Variants in KCNQ4 observed in about 807,000 individuals in gnomAD.
KCNQ4 encodes the protein potassium voltage-gated channel subfamily KQT member 4.
Under a neutral mutation model 72.6 loss-of-function variants are expected in KCNQ4, and 31 were observed. That is an observed-to-expected ratio of 0.43 (90% CI 0.32 to 0.58). KCNQ4 has a LOEUF of 0.58. Ranked by LOEUF, KCNQ4 falls within the 20% of genes least tolerant of loss-of-function variation. KCNQ4 has a pLI of 0.08. For missense variants in KCNQ4, 869 were observed against 962.6 expected, an observed-to-expected ratio of 0.90 and a Z score of 1.29; for synonymous variants, 405 against 403.7, an observed-to-expected ratio of 1.00 and a Z score of -0.04.
intron 12 of KCNQ4, 152 bp downstream of exon 12, chr1:40,835,250 C>T: frequency 4.0e-6 from 4 of 1,004,196 alleles, no homozygotes; most frequent in Non-Finnish European, 5.8e-6. Flanking sequence ...CAGTGCCAGC[C>T]TGAGGCCAGA....
At chr1:40,830,915 G>A (rs772369802) in intron 9 of KCNQ4, among the ~76,000 whole-genome samples, 169 bp from the exon 10 acceptor site, 8 of 152,238 alleles carry the variant, frequency 5.3e-5, no homozygotes, top group Non-Finnish European at 1.0e-4. Flanking sequence ...CCTCTTGTAG[G>A]AGTGAGGGCC....
chr1:40,829,196 C>T (rs1241620909), intron 9 of KCNQ4, among the ~76,000 whole-genome samples: 1 of 152,232 alleles, frequency 6.6e-6, no homozygotes. Flanking sequence ...CTCTTCCTCT[C>T]CCTCTTGGAG....
chr1:40,801,148 T>C (rs1435926641), intron 1 of KCNQ4, among the ~76,000 whole-genome samples: 1 of 149,040 alleles, frequency 6.7e-6, no homozygotes, highest in Non-Finnish European at 1.5e-5. Flanking sequence ...GGGGCTGGAA[T>C]TGTGGTGGTC....
chr1:40,800,997 T>C (rs1173648912), intron 1 of KCNQ4, among the ~76,000 whole-genome samples: 2 of 152,068 alleles, frequency 1.3e-5, no homozygotes, highest in Non-Finnish European at 2.9e-5. Flanking sequence ...GCTTAGGATG[T>C]GTGTACAGCC....
intron 1 of KCNQ4, among the ~76,000 whole-genome samples, chr1:40,797,087 G>T (rs1647436657): frequency 6.6e-6 from 1 of 152,252 alleles, no homozygotes; most frequent in Admixed American, 6.5e-5. Context: ...GCCAGGCCCT[G>T]TGCCAGACTC....
chr1:40,793,929 C>G (rs1647339241), intron 1 of KCNQ4, among the ~76,000 whole-genome samples: 1 of 152,106 alleles, frequency 6.6e-6, no homozygotes, highest in Admixed American at 6.5e-5. Flanking sequence ...GCGTTTTTTG[C>G]TTTTCTGCAT....
intron 1 of KCNQ4, among the ~76,000 whole-genome samples, chr1:40,803,940 G>A (rs1350860246): frequency 3.3e-5 from 5 of 152,212 alleles, no homozygotes; most frequent in Non-Finnish European, 5.9e-5. Flanking sequence ...GCTCCCCAGG[G>A]AACTCTGCCC....
At position 40,834,984 on chromosome 1, in the gene KCNQ4, T is replaced by C; in HGVS notation, c.1631T>C (p.Val544Ala). The change falls in exon 12 of 14, where the codon GTG becomes GCG. Residue 544 changes from valine to alanine, a missense_variant. Val to Ala is a moderately conservative substitution (Grantham distance 64). Coordinates refer to ENST00000347132, the MANE Select transcript of KCNQ4 (RefSeq NM_004700.4). The part of the protein sequence containing the change: ...IRSIRILKFL[V>A]AKRKFKETLR... Reference sequence around the variant, plus strand: ...CCCAACAGGATTCTCAAGTTCCTGGTGGCCAAAAGGAAATTCAAGGAGACA... The same window carrying C: ...CCCAACAGGATTCTCAAGTTCCTGGCGGCCAAAAGGAAATTCAAGGAGACA... The C allele has an allele frequency of 1.2e-6, 2 of 1,613,748 alleles. No individual in the cohort carries two copies. The highest frequency in any genetic ancestry group is 3.3e-5 in the Admixed American group (2 of 60,000).
At chr1:40,816,595 G>C (rs1648093049) in intron 1 of KCNQ4, among the ~76,000 whole-genome samples, 1 of 152,098 alleles carries the variant, frequency 6.6e-6, no homozygotes. Context: ...CTGGTTCTGG[G>C]CCACTCTGTA....
At chr1:40,837,069 A>ATCTTTTCTTT (rs143786917) in intron 12 of KCNQ4, among the ~76,000 whole-genome samples, 23 of 143,794 alleles carry the variant, frequency 1.6e-4, no homozygotes, top group African/African-American at 3.2e-4. Flanking sequence ...TCCCCAATCC[A>ATCTTTTCTTT]TCTTTTCTTT....
intron 7 of KCNQ4, among the ~76,000 whole-genome samples, chr1:40,821,515 C>T (rs189458959): frequency 1.3e-5 from 2 of 152,326 alleles, no homozygotes; most frequent in East Asian, 3.9e-4. Flanking sequence ...TCCTGTCTGA[C>T]TTTCATCCCT....
At chr1:40,786,318 T>C (rs1385430293) in intron 1 of KCNQ4, among the ~76,000 whole-genome samples, 1 of 152,198 alleles carries the variant, frequency 6.6e-6, no homozygotes, top group African/African-American at 2.4e-5. Flanking sequence ...CAAGGGTCAG[T>C]GGAGGTGAAG....
intron 1 of KCNQ4, among the ~76,000 whole-genome samples, chr1:40,791,199 C>T (rs1021140081): frequency 1.3e-5 from 2 of 152,148 alleles, no homozygotes; most frequent in East Asian, 1.9e-4. Context: ...TCCTGAGCCT[C>T]GGTATCTTCT....
rs2148317428 is a variant in KCNQ4, at chr1:40,817,639, C to A, written c.405+284C>A. On this transcript the variant is annotated intron_variant, in intron 2 of 13. Coordinates refer to ENST00000347132, the MANE Select transcript of KCNQ4 (RefSeq NM_004700.4). The surrounding 1 kb of genome is among the most constrained non-coding windows in gnomAD (Gnocchi z 5.5). ...TGTTCCCTCAGCTGTGGCTGCCCCT[C>A]TCTGGGCATCATCTCCACTTTATAG... is the stretch of plus-strand genomic sequence containing the variant. 6.6e-6 allele frequency among the ~76,000 whole-genome samples: 1 copy of A among 152,354 alleles called. No homozygotes were observed. The highest frequency in any genetic ancestry group is 2.1e-4 in the South Asian group (1 of 4,828).
At chr1:40,810,059 CA>C (rs56970636) in intron 1 of KCNQ4, among the ~76,000 whole-genome samples, 2 of 148,416 alleles carry the variant, frequency 1.3e-5, no homozygotes, top group Non-Finnish European at 1.5e-5. Flanking sequence ...GACTCCGTCT[CA>C]AAAAAAAAAA....
intron 9 of KCNQ4, among the ~76,000 whole-genome samples, chr1:40,829,443 C>A (rs1648572606): frequency 6.6e-6 from 1 of 152,088 alleles, no homozygotes; most frequent in Admixed American, 6.5e-5. Context: ...CCATCCTTGA[C>A]CTATTAACCT....
chr1:40,806,378 A>G (rs1027113810), intron 1 of KCNQ4, among the ~76,000 whole-genome samples: 3 of 152,198 alleles, frequency 2.0e-5, no homozygotes, highest in African/African-American at 7.2e-5. Context: ...CAACAGATGG[A>G]TGCCCCTGTG....
intron 1 of KCNQ4, among the ~76,000 whole-genome samples, chr1:40,811,675 T>C (rs1269021586): frequency 6.6e-6 from 1 of 152,118 alleles, no homozygotes. Flanking sequence ...AGAGGAAAGG[T>C]TGGATAAGCC....
chr1:40,834,850 T>C (rs1648763305), intron 11 of KCNQ4, 117 bp from the exon 12 acceptor site: 6 of 1,396,324 alleles, frequency 4.3e-6, no homozygotes, highest in African/African-American at 1.4e-5. Flanking sequence ...CTGTTCATGG[T>C]GGCCAAGCAG....
Sources: allele counts gnomAD v4.1 joint callset (sites outside exome capture counted in the v4.1 genomes callset), GRCh38; gene constraint gnomAD v4.1.1; non-coding constraint Gnocchi (gnomAD v3.1); transcripts MANE v1.5; gene names NCBI Gene and HGNC (gene_info 2026-07-23, HGNC 2026-07-21).